RBFOX1: variants seen among roughly 807,000 people sequenced by gnomAD.
RBFOX1 encodes the protein RNA binding fox-1 homolog 1.
In RBFOX1, 8 loss-of-function variants were observed where a neutral mutation model predicts 57.7. That is an observed-to-expected ratio of 0.14 (90% CI 0.08 to 0.25). The LOEUF (loss-of-function observed/expected upper bound fraction) is 0.25. Ranked by LOEUF, RBFOX1 falls within the 10% of genes least tolerant of loss-of-function variation. RBFOX1 has a pLI of 1.00. For missense variants in RBFOX1, 611 were observed against 548.5 expected, an observed-to-expected ratio of 1.11 and a Z score of -1.14; for synonymous variants, 326 against 222.4, an observed-to-expected ratio of 1.47 and a Z score of -4.15.
At chr16:7,260,585 A>T (rs2153065290) in intron 4 of RBFOX1, among the ~76,000 whole-genome samples, 1 of 152,246 alleles carries the variant, frequency 6.6e-6, no homozygotes, top group Non-Finnish European at 1.5e-5. Context: ...ATTATGTGTC[A>T]TGTAGAGACG....
intron 2 of RBFOX1, among the ~76,000 whole-genome samples, chr16:6,486,503 G>C (rs1355207837): frequency 6.6e-6 from 1 of 152,058 alleles, no homozygotes. Flanking sequence ...ACGTGTCTTA[G>C]TCTCAAAGTT....
chr16:6,663,670 C>G (rs2098714937), intron 3 of RBFOX1, among the ~76,000 whole-genome samples: 1 of 152,222 alleles, frequency 6.6e-6, no homozygotes, highest in East Asian at 1.9e-4. Flanking sequence ...GATTTCTTTT[C>G]TGTTTCCAAT....
chr16:5,946,488 C>T lies in RBFOX1; in HGVS notation c.351+79153C>T, dbSNP rs550670831. Among the ~76,000 whole-genome samples the T allele has an allele frequency of 7.2e-5, 11 of 152,206 alleles. No individual in the cohort carries two copies. Among genetic ancestry groups the T allele is most frequent in the Non-Finnish European group, 8.8e-5 (6 of 68,042 alleles). ...CTGCTCTCATGGAATGGGAGTGCCT[C>T]ATGGTGGGGTGCCTGGAGAGGACAT... On this transcript the variant is annotated intron_variant, in intron 4 of 19. Coordinates refer to the RBFOX1 transcript ENST00000641259. The surrounding 1 kb of genome is among the most constrained non-coding windows in gnomAD (Gnocchi z 4.6).
At chr16:7,698,410 A>G (rs976249940) in intron 14 of RBFOX1, among the ~76,000 whole-genome samples, 4 of 152,064 alleles carry the variant, frequency 2.6e-5, no homozygotes, top group African/African-American at 9.7e-5. Flanking sequence ...ACAATCTGCA[A>G]AAGCTGTTGA....
chr16:6,017,154 C>A (rs1264912841), upstream of RBFOX1, among the ~76,000 whole-genome samples: 1 of 152,158 alleles, frequency 6.6e-6, no homozygotes, highest in Non-Finnish European at 1.5e-5. Context: ...AGCAATTACC[C>A]ATTTTAATGT....
intron 2 of RBFOX1, among the ~76,000 whole-genome samples, chr16:5,567,934 T>C (rs1001732284): frequency 3.8e-4 from 58 of 152,156 alleles, no homozygotes; most frequent in Admixed American, 4.6e-4. Flanking sequence ...TGGCTCAAAA[T>C]TGCACAGTAG....
At chr16:7,115,158 G>A (rs2151671045) in intron 4 of RBFOX1, among the ~76,000 whole-genome samples, 1 of 151,050 alleles carries the variant, frequency 6.6e-6, no homozygotes, top group East Asian at 2.0e-4. Flanking sequence ...GCACTTAGTG[G>A]TGCAACTTTT....
chr16:7,250,082 G>A (rs902737423), intron 4 of RBFOX1, among the ~76,000 whole-genome samples: 3 of 151,914 alleles, frequency 2.0e-5, no homozygotes, highest in Non-Finnish European at 4.4e-5. Context: ...TTTCCCATAG[G>A]GTTTTGAACC....
intron 4 of RBFOX1, among the ~76,000 whole-genome samples, chr16:7,192,923 T>TA (rs2085786468): frequency 1.3e-5 from 2 of 152,198 alleles, no homozygotes. Flanking sequence ...GAGAACAATG[T>TA]AAAAAGCAGA....
intron 14 of RBFOX1, among the ~76,000 whole-genome samples, chr16:7,685,911 G>A (rs905392946): frequency 2.0e-5 from 3 of 152,002 alleles, no homozygotes; most frequent in Non-Finnish European, 4.4e-5. Context: ...CAGAGAATAG[G>A]ATTACAGATT....
At chr16:7,440,136 C>A (rs1324152764) in intron 4 of RBFOX1, among the ~76,000 whole-genome samples, 2 of 151,796 alleles carry the variant, frequency 1.3e-5, no homozygotes, top group Non-Finnish European at 1.5e-5. Flanking sequence ...GCTCAAGAGA[C>A]CTGCCTGCCT....
Position 6,612,574 on chromosome 16 carries a change from G to A in RBFOX1, c.-63-42029G>A, listed in dbSNP as rs185571841. 6.5e-4 allele frequency among the ~76,000 whole-genome samples: 99 copies of A among 152,174 alleles called. 2 individuals carry two copies. Among genetic ancestry groups the A allele is most frequent in the Admixed American group, 5.2e-3 (80 of 15,268 alleles). On this transcript the variant is annotated intron_variant, in intron 2 of 15. Transcript: ENST00000550418. ...GATGTTAAAAACATTTGTTTGGCCC[G>A]GGTGTAGTTGGTCACACCTGTAATC...
At chr16:7,103,821 T>A (rs1401660974) in intron 4 of RBFOX1, among the ~76,000 whole-genome samples, 2 of 152,170 alleles carry the variant, frequency 1.3e-5, no homozygotes, top group African/African-American at 4.8e-5. Context: ...TGACTTCAAG[T>A]GCCTTTAACT....
chr16:5,568,566 G>A (rs1303007943), intron 2 of RBFOX1, among the ~76,000 whole-genome samples: 2 of 152,124 alleles, frequency 1.3e-5, no homozygotes, highest in Non-Finnish European at 2.9e-5. Flanking sequence ...AGGCACTCAG[G>A]GATGTGAGGA....
chr16:7,706,566 T>C (rs1397794760), intron 14 of RBFOX1, among the ~76,000 whole-genome samples: 1 of 152,166 alleles, frequency 6.6e-6, no homozygotes, highest in African/African-American at 2.4e-5. Flanking sequence ...AGTAAAACCA[T>C]TTCCCCAATT....
At chr16:6,187,783 C>T (rs936742231) in intron 1 of RBFOX1, among the ~76,000 whole-genome samples, 19 of 152,108 alleles carry the variant, frequency 1.2e-4, no homozygotes, top group African/African-American at 4.6e-4. Context: ...GCTAGGATAA[C>T]ATTAACAAAC....
intron 3 of RBFOX1, chr16:6,774,081 G>T: frequency 1.2e-6 from 1 of 857,186 alleles, no homozygotes; most frequent in Non-Finnish European, 1.4e-6. Context: ...TAATTTCCTA[G>T]CTTTAAATTA....
intron 3 of RBFOX1, among the ~76,000 whole-genome samples, chr16:5,682,956 C>G (rs2050389149): frequency 6.6e-6 from 1 of 152,196 alleles, no homozygotes; most frequent in African/African-American, 2.4e-5. Context: ...CTGCCTCTTG[C>G]TTGAATTGAT....
intron 3 of RBFOX1, among the ~76,000 whole-genome samples, chr16:7,008,241 T>C (rs2093414646): frequency 6.6e-6 from 1 of 152,092 alleles, no homozygotes; most frequent in Admixed American, 6.6e-5. Context: ...TAGCTTAAAG[T>C]ATTAGAAAGT....
Sources: gnomAD v4.1 joint callset for allele counts (sites outside exome capture counted in the v4.1 genomes callset) on GRCh38, gnomAD v4.1.1 for gene constraint, Gnocchi (gnomAD v3.1) non-coding constraint, MANE v1.5 for transcripts, NCBI Gene and HGNC (gene_info 2026-07-23, HGNC 2026-07-21) for gene names.